Variants in SERPINE3 observed in about 807,000 individuals in gnomAD.
SERPINE3 encodes serpin E3.
Under a neutral mutation model 41.7 loss-of-function variants are expected in SERPINE3, and 43 were observed. The ratio of observed to expected loss-of-function variants is 1.03; its 90% CI spans 0.81 to 1.33. SERPINE3 has a LOEUF of 1.33. Ranked by LOEUF, SERPINE3 falls within the 40% of genes most tolerant of loss-of-function variation. The pLI is 0.00. For synonymous variants in SERPINE3, 200 were observed against 192.2 expected (o/e 1.04, Z -0.34); for missense variants, 440 against 491.7 (o/e 0.89, Z 0.99).
intron 7 of SERPINE3, among the ~76,000 whole-genome samples, chr13:51,358,373 A>G (rs1288044262): frequency 6.6e-6 from 1 of 152,190 alleles, no homozygotes; most frequent in African/African-American, 2.4e-5. Context: ...CAATGTTTAT[A>G]CAACGTCATG....
At chr13:51,354,904 G>A (rs376249636) in intron 6 of SERPINE3, 139 bp from the exon 7 acceptor site, 58 of 617,404 alleles carry the variant, frequency 9.4e-5, no homozygotes, top group Non-Finnish European at 1.5e-4. Flanking sequence ...ATGGGAAGGC[G>A]CCATGGAAGA....
At chr13:51,350,493 T>C (rs574084289) in intron 6 of SERPINE3, among the ~76,000 whole-genome samples, 245 of 152,270 alleles carry the variant, frequency 1.6e-3, no homozygotes, top group Non-Finnish European at 2.6e-3. Flanking sequence ...CATGAGCATG[T>C]TTTGATATTA....
chr13:51,364,360 A>C lies in SERPINE3; in HGVS notation c.*78A>C. 1 of 770,610 alleles carries C rather than the reference A, an allele frequency of 1.3e-6. No homozygotes were observed. The highest frequency in any genetic ancestry group is 2.0e-6 in the Non-Finnish European group (1 of 501,948). 47.7% of individuals were successfully genotyped at this position (770,610 alleles called of 1,614,324 possible). A position where few individuals can be genotyped will look rare whatever the true frequency, so the allele number is the denominator to read the frequency against. On this transcript the variant is annotated 3_prime_UTR_variant, in exon 10 of 10. Transcript: ENST00000681248. Reference sequence around the variant, plus strand: ...TTTTGCTATACCCTTGAAATTTAAAAAAATGTCTGATAAAGTGTAAAAAGC... The same window carrying C: ...TTTTGCTATACCCTTGAAATTTAAACAAATGTCTGATAAAGTGTAAAAAGC...
chr13:51,361,138 T>A, intron 7 of SERPINE3, 140 bp from the exon 8 acceptor site: 1 of 537,416 alleles, frequency 1.9e-6, no homozygotes, highest in South Asian at 3.2e-5. Flanking sequence ...AAAAACAGAA[T>A]TTTCCACTCT....
intron 3 of SERPINE3, among the ~76,000 whole-genome samples, chr13:51,341,657 T>C (rs1955293012): frequency 6.6e-6 from 1 of 152,222 alleles, no homozygotes; most frequent in Non-Finnish European, 1.5e-5. Flanking sequence ...TTCATGGCAA[T>C]GTTTCAGTTT....
chr13:51,347,077 A>G lies in SERPINE3; in HGVS notation c.543A>G (p.Ala181=). The G allele has an allele frequency of 6.2e-7, 1 of 1,605,342 alleles. No homozygotes were observed. Among genetic ancestry groups the G allele is most frequent in the Non-Finnish European group, 8.5e-7 (1 of 1,175,956 alleles). The change falls in exon 5 of 10, where the codon GCA becomes GCG. Residue 181 remains alanine, a synonymous_variant. Transcript: ENST00000681248. Reference sequence around the variant, plus strand: ...GCTGGCCGTGGGAGCAAGTCAGTGCAGCATTTGCTCAGCTTGTGCTTGTGA... The same window carrying G: ...GCTGGCCGTGGGAGCAAGTCAGTGCGGCATTTGCTCAGCTTGTGCTTGTGA... ...PGGWPWEQVS[A]AFAQLVLVST... is the part of the protein sequence containing the mutation.
chr13:51,341,233 A>G lies in SERPINE3; in HGVS notation c.142A>G (p.Thr48Ala), dbSNP rs1955286957. The G allele has an allele frequency of 6.2e-7, 1 of 1,613,966 alleles. No individual in the cohort carries two copies. The highest frequency in any genetic ancestry group is 2.2e-5 in the East Asian group (1 of 44,888). ...GAGTGTGGCCGCGTGTAGAAATGAGACGAACTTTGTCATCTCTCCTGCTGG... is the reference window on the plus strand; with the variant it reads ...GAGTGTGGCCGCGTGTAGAAATGAGGCGAACTTTGTCATCTCTCCTGCTGG... ...YQSVAACRNETNFVISPAGVS... is the reference protein window; with the variant it reads ...YQSVAACRNEANFVISPAGVS... Residue 48 changes from threonine to alanine, a missense_variant, in exon 3 of 10, where the codon ACG (threonine) becomes GCG (alanine). Transcript: ENST00000681248.
intron 5 of SERPINE3, among the ~76,000 whole-genome samples, chr13:51,347,965 C>G (rs577819721): frequency 1.4e-4 from 21 of 152,124 alleles, no homozygotes; most frequent in Non-Finnish European, 2.5e-4. Flanking sequence ...GTCCCCCCCC[C>G]CATACCCAGT....
Position 51,355,118 on chromosome 13 carries a change from C to G in SERPINE3, c.975C>G (p.Leu325=). ...SWGVTDLFDP[L]KANLKGISGQ... is the part of the protein sequence containing the mutation. Reference sequence around the variant, plus strand: ...GAGTCACCGATCTTTTTGATCCACTCAAAGCTAACTTGAAAGGAATTTCAG... The same window carrying G: ...GAGTCACCGATCTTTTTGATCCACTGAAAGCTAACTTGAAAGGAATTTCAG... Residue 325 remains leucine (L), a synonymous_variant, in exon 7 of 10, where the codon CTC becomes CTG. Transcript: ENST00000681248. 1.9e-6 allele frequency: 3 copies of G among 1,540,488 alleles called. No homozygotes were observed. The highest frequency in any genetic ancestry group is 2.6e-6 in the Non-Finnish European group (3 of 1,135,332).
intron 3 of SERPINE3, among the ~76,000 whole-genome samples, chr13:51,343,128 T>A (rs751176400): frequency 1.3e-5 from 2 of 152,142 alleles, no homozygotes; most frequent in African/African-American, 2.4e-5. Flanking sequence ...TTCTGCAACA[T>A]GAAGGGTGTC....
intron 7 of SERPINE3, among the ~76,000 whole-genome samples, chr13:51,356,765 C>CT (rs1955487961): frequency 6.9e-6 from 1 of 145,340 alleles, no homozygotes; most frequent in Non-Finnish European, 1.5e-5. Context: ...TTAAAAGTAC[C>CT]TTTTTTGATA....
intron 6 of SERPINE3, 98 bp from the exon 7 acceptor site, chr13:51,354,945 C>T (rs1004687874): frequency 4.6e-6 from 3 of 655,740 alleles, no homozygotes; most frequent in Admixed American, 2.5e-5. Flanking sequence ...GTGGAGCCAG[C>T]CTGACTTCCA....
intron 3 of SERPINE3, among the ~76,000 whole-genome samples, chr13:51,342,482 T>C (rs1199249993): frequency 6.6e-6 from 1 of 152,222 alleles, no homozygotes; most frequent in Non-Finnish European, 1.5e-5. Flanking sequence ...ATGAACACAG[T>C]CAACCTCCGG....
chr13:51,344,146 G>A (rs1955320876), intron 3 of SERPINE3, 106 bp from the exon 4 acceptor site: 1 of 771,704 alleles, frequency 1.3e-6, no homozygotes, highest in Admixed American at 2.1e-5. Flanking sequence ...TTATGAGCAA[G>A]AGTGGAGTTG....
rs1304988240 is a variant in SERPINE3, at chr13:51,344,440, A to T, written c.445A>T (p.Ser149Cys). 1.9e-6 allele frequency: 3 copies of T among 1,605,862 alleles called. No homozygotes were observed. The highest frequency in any genetic ancestry group is 4.5e-5 in the East Asian group (2 of 44,494). Residue 149 changes from serine to cysteine, a missense_variant, in exon 4 of 10, where the codon AGC becomes TGC. By Grantham distance (112) the Ser-to-Cys change is moderately radical (BLOSUM62 -1). Transcript: ENST00000681248. ...LEPADLSEPN[S>C]TAIQTSEGAS... ...ACCAGCCGACCTCAGTGAGCCCAATAGCACCGCCATCCAGACTAGCGAAGG... is the reference window on the plus strand; with the variant it reads ...ACCAGCCGACCTCAGTGAGCCCAATTGCACCGCCATCCAGACTAGCGAAGG...
intron 4 of SERPINE3, among the ~76,000 whole-genome samples, chr13:51,346,593 G>A (rs1179677711): frequency 6.6e-6 from 1 of 152,134 alleles, no homozygotes; most frequent in African/African-American, 2.4e-5. Flanking sequence ...TCCCCTGACT[G>A]GTCACCCAGG....
chr13:51,342,465 A>T (rs536044995), intron 3 of SERPINE3, among the ~76,000 whole-genome samples: 19 of 152,340 alleles, frequency 1.2e-4, no homozygotes, highest in Non-Finnish European at 2.6e-4. Flanking sequence ...TGTTTAGCAC[A>T]ATGTCTATGA....
Position 51,361,284 on chromosome 13 carries a change from A to G in SERPINE3, c.1007A>G (p.Asp336Gly). 6.2e-7 allele frequency: 1 copy of G among 1,607,666 alleles called. No homozygotes were observed. The highest frequency in any genetic ancestry group is 8.5e-7 in the Non-Finnish European group (1 of 1,175,996). The part of the protein sequence containing the change: ...KANLKGISGQ[D>G]GFYVSEAIHK... ...TATCATTTTCTGTGGTTAGGCCAAG[A>G]TGGCTTTTATGTTTCTGAAGCAATC... Residue 336 changes from aspartate (D) to glycine (G), a missense_variant, in exon 8 of 10, where the codon GAT becomes GGT. By Grantham distance (94) the Asp-to-Gly change is moderately conservative. Coordinates refer to ENST00000681248, the MANE Select transcript of SERPINE3 (RefSeq NM_001386375.1).
intron 4 of SERPINE3, among the ~76,000 whole-genome samples, chr13:51,345,725 T>C (rs1955340109): frequency 6.6e-6 from 1 of 152,180 alleles, no homozygotes; most frequent in Non-Finnish European, 1.5e-5. Flanking sequence ...GATAAAGTTC[T>C]CTCTCATGCT....
Sources: allele counts gnomAD v4.1 joint callset (sites outside exome capture counted in the v4.1 genomes callset), GRCh38; gene constraint gnomAD v4.1.1; transcripts MANE v1.5; gene names NCBI Gene and HGNC (gene_info 2026-07-23, HGNC 2026-07-21).